SHROOM3: variants seen among roughly 807,000 people sequenced by gnomAD.
SHROOM3 encodes protein Shroom3.
SHROOM3 carries 47 observed loss-of-function variants against 138.6 expected under a neutral mutation model. The ratio of observed to expected loss-of-function variants is 0.34; its 90% CI spans 0.27 to 0.43. The LOEUF (loss-of-function observed/expected upper bound fraction) is 0.43, where lower values mean the gene tolerates loss of function less well. Ranked by LOEUF, SHROOM3 falls within the 20% of genes least tolerant of loss-of-function variation. The pLI, the probability that SHROOM3 is intolerant of heterozygous loss-of-function variation, is 1.00. For synonymous variants in SHROOM3, 1,062 were observed against 1,063.3 expected (o/e 1.00, Z 0.02); for missense variants, 2,491 against 2,596.5 (o/e 0.96, Z 0.88).
rs151230134 is a variant in SHROOM3, at chr4:76,775,741, CTATA to C, written c.5623-3061_5623-3058del. ...GTGTATATACACATATATACACATA[CTATA>C]TATATACACACACCATATATATGTG... is the stretch of plus-strand genomic sequence containing the variant. On this transcript the variant is annotated intron_variant, in intron 10 of 10. Transcript: ENST00000296043. 8.8e-3 allele frequency among the ~76,000 whole-genome samples: 1,324 copies of C among 150,570 alleles called. 18 individuals are homozygous for C. Among genetic ancestry groups the C allele is most frequent in the African/African-American group, 0.03 (1,237 of 40,880 alleles).
At chr4:76,730,707 A>G (rs1167084968) in intron 3 of SHROOM3, 97 bp from the exon 4 acceptor site, 7 of 1,531,044 alleles carry the variant, frequency 4.6e-6, no homozygotes, top group African/African-American at 1.4e-5. Flanking sequence ...CTCTGAGGAC[A>G]CAGCAGTCTT....
At chr4:76,766,108 A>G (rs1722146960) in intron 9 of SHROOM3, among the ~76,000 whole-genome samples, 1 of 152,256 alleles carries the variant, frequency 6.6e-6, no homozygotes, top group African/African-American at 2.4e-5. Flanking sequence ...GCCTTGAACA[A>G]GTTAACCTCT....
chr4:76,629,570 G>T (rs1173174604), intron 2 of SHROOM3, among the ~76,000 whole-genome samples: 1 of 152,222 alleles, frequency 6.6e-6, no homozygotes, highest in African/African-American at 2.4e-5. Flanking sequence ...CAGTGAGGAG[G>T]CTGTGGCACG....
At chr4:76,656,897 C>G (rs116714930) in intron 2 of SHROOM3, among the ~76,000 whole-genome samples, 1 of 152,204 alleles carries the variant, frequency 6.6e-6, no homozygotes, top group Admixed American at 6.5e-5. Context: ...ATTCACCAGG[C>G]ACAGTTGCTC....
intron 3 of SHROOM3, among the ~76,000 whole-genome samples, chr4:76,718,401 T>A (rs1720442210): frequency 2.0e-5 from 3 of 152,242 alleles, no homozygotes; most frequent in Admixed American, 1.3e-4. Context: ...CTTTTACATT[T>A]TCAGCTGCTC....
Position 76,739,830 on chromosome 4 carries a change from G to A in SHROOM3, c.1657G>A (p.Val553Ile), listed in dbSNP as rs562118705. The change falls in exon 5 of 11, where the codon GTC becomes ATC. Residue 553 changes from valine to isoleucine, a missense_variant. Physicochemically the swap from Val to Ile is conservative, Grantham distance 29 (BLOSUM62 3). Around this residue, in one of 4 missense-constraint regions of SHROOM3, gnomAD observed 1,733 missense variants for 1,661.6 expected, o/e 1.04. Transcript: ENST00000296043. The part of the protein sequence containing the change: ...EKKPEATAKY[V>I]PSKVHFCSVP... ...GAAACCAGAAGCTACAGCCAAGTAT[G>A]TCCCCTCCAAAGTCCATTTCTGTTC... is the stretch of plus-strand genomic sequence containing the variant. 1 of 1,614,186 alleles carries A rather than the reference G, an allele frequency of 6.2e-7. No homozygotes were observed. The highest frequency in any genetic ancestry group is 1.1e-5 in the South Asian group (1 of 91,082).
chr4:76,447,275 T>C (rs1366970338), intron 1 of SHROOM3, among the ~76,000 whole-genome samples: 1 of 152,210 alleles, frequency 6.6e-6, no homozygotes, highest in African/African-American at 2.4e-5. Context: ...TATATTAAAG[T>C]GTATCCTGAG....
intron 7 of SHROOM3, among the ~76,000 whole-genome samples, chr4:76,755,626 G>A (rs924269553): frequency 6.6e-6 from 1 of 152,148 alleles, no homozygotes; most frequent in Non-Finnish European, 1.5e-5. Flanking sequence ...AAGTTAAACA[G>A]CTTTACCTAC....
intron 1 of SHROOM3, among the ~76,000 whole-genome samples, chr4:76,538,667 C>A (rs1733033205): frequency 6.6e-6 from 1 of 152,132 alleles, no homozygotes; most frequent in Admixed American, 6.5e-5. Flanking sequence ...AAAAAAACTT[C>A]AAGTATTAAG....
At chr4:76,482,064 A>G (rs1731625423) in intron 1 of SHROOM3, among the ~76,000 whole-genome samples, 1 of 152,216 alleles carries the variant, frequency 6.6e-6, no homozygotes. Context: ...AATGGGCAAA[A>G]GCTGGAAGCA....
intron 2 of SHROOM3, chr4:76,688,643 G>C: frequency 2.0e-6 from 2 of 985,412 alleles, no homozygotes; most frequent in Middle Eastern, 5.2e-4. Flanking sequence ...GAAGAAAGAT[G>C]AAACTTAAAC....
chr4:76,635,627 G>A (rs1276418168), intron 2 of SHROOM3, among the ~76,000 whole-genome samples: 1 of 152,152 alleles, frequency 6.6e-6, no homozygotes, highest in Admixed American at 6.5e-5. Context: ...TGGAGAAATG[G>A]AACAACAGCC....
intron 1 of SHROOM3, among the ~76,000 whole-genome samples, chr4:76,485,342 A>G (rs775783267): frequency 3.3e-5 from 5 of 152,258 alleles, no homozygotes; most frequent in South Asian, 4.1e-4. Flanking sequence ...GTCTCTAAAT[A>G]TAAATAGAAA....
chr4:76,689,441 G>C (rs1178350673), intron 2 of SHROOM3: 2 of 831,196 alleles, frequency 2.4e-6, no homozygotes, highest in Non-Finnish European at 1.4e-6. Context: ...GGGACGAGAG[G>C]TGGGCGAGCG....
chr4:76,473,257 A>T (rs1731417079), intron 1 of SHROOM3, among the ~76,000 whole-genome samples: 1 of 152,232 alleles, frequency 6.6e-6, no homozygotes, highest in African/African-American at 2.4e-5. Context: ...AAATATTTGT[A>T]AATTTTCTAT....
chr4:76,719,701 A>G (rs1367095271), intron 3 of SHROOM3, among the ~76,000 whole-genome samples: 2 of 123,596 alleles, frequency 1.6e-5, no homozygotes, highest in East Asian at 5.5e-4. Flanking sequence ...CAATTGAATG[A>G]AAAACACCCC....
chr4:76,568,894 C>T (rs938121894), intron 2 of SHROOM3, among the ~76,000 whole-genome samples: 1 of 152,176 alleles, frequency 6.6e-6, no homozygotes, highest in Non-Finnish European at 1.5e-5. Context: ...AGATCTTGGC[C>T]AGTGACTTCA....
intron 1 of SHROOM3, among the ~76,000 whole-genome samples, chr4:76,517,043 T>C (rs1416327720): frequency 3.3e-5 from 5 of 152,238 alleles, no homozygotes; most frequent in Non-Finnish European, 4.4e-5. Flanking sequence ...ACACACTTGG[T>C]GACTTTCTCA....
Position 76,674,554 on chromosome 4 carries a change from C to CTTTTTTTTTT in SHROOM3, c.324-35589_324-35580dup, listed in dbSNP as rs11312421. 4.5e-4 allele frequency among the ~76,000 whole-genome samples: 46 copies of CTTTTTTTTTT among 103,292 alleles called. 1 individual carries two copies. Among genetic ancestry groups the CTTTTTTTTTT allele is most frequent in the South Asian group, 7.9e-4 (2 of 2,538 alleles). 67.8% of individuals were successfully genotyped at this position (103,292 alleles called of 152,430 possible). A position where few individuals can be genotyped will look rare whatever the true frequency, so the allele number is the denominator to read the frequency against. ...CTTTCTTTCTTTCCTTCCTTCCTTC[C>CTTTTTTTTTT]TTTTTTTTTTTTTTTTTTTTTTGTT... On this transcript the variant is annotated intron_variant, in intron 2 of 10. Transcript: ENST00000296043.
Sources: gnomAD v4.1 joint callset for allele counts (sites outside exome capture counted in the v4.1 genomes callset) on GRCh38, gnomAD v4.1.1 for gene constraint, gnomAD v4.1.1 regional missense constraint, MANE v1.5 for transcripts, NCBI Gene and HGNC (gene_info 2026-07-23, HGNC 2026-07-21) for gene names.